Variants in LOC128092253 observed in about 807,000 individuals in gnomAD.
At chr6:133,976,979 A>G in the LOC128092253 span, among the ~76,000 whole-genome samples, 1 of 152,006 alleles carries the variant, frequency 6.6e-6, no homozygotes, top group Admixed American at 6.6e-5. Flanking sequence ...AAAAAAAAAA[A>G]AAAGAAAAAA....
chr6:133,957,077 T>A, the LOC128092253 span, among the ~76,000 whole-genome samples: 2 of 152,088 alleles, frequency 1.3e-5, no homozygotes, highest in Non-Finnish European at 2.9e-5. Context: ...AAATTCTACT[T>A]GTCTGTGACT....
chr6:133,974,137 A>G, the LOC128092253 span, among the ~76,000 whole-genome samples: 1 of 151,990 alleles, frequency 6.6e-6, no homozygotes, highest in Admixed American at 6.6e-5. Context: ...TAGACATATA[A>G]TTTTTTCTAC....
chr6:133,980,058 A>T, the LOC128092253 span: 65 of 1,376,476 alleles, frequency 4.7e-5, 1 homozygote, highest in African/African-American at 8.5e-4. Flanking sequence ...AAGTTTAATG[A>T]CTTTATTTTG....
At chr6:133,970,973 A>G in the LOC128092253 span, among the ~76,000 whole-genome samples, 1 of 152,096 alleles carries the variant, frequency 6.6e-6, no homozygotes, top group Non-Finnish European at 1.5e-5. Flanking sequence ...TCTTCTAGCT[A>G]TTTTATGATA....
At chr6:133,968,655 T>G in the LOC128092253 span, among the ~76,000 whole-genome samples, 317 of 152,232 alleles carry the variant, frequency 2.1e-3, no homozygotes, top group African/African-American at 6.4e-3. Flanking sequence ...GTCTACTGTC[T>G]TAGCATCCAA....
chr6:133,975,777 T>C, the LOC128092253 span, among the ~76,000 whole-genome samples: 1 of 152,206 alleles, frequency 6.6e-6, no homozygotes, highest in East Asian at 1.9e-4. Context: ...GTAGAGGCTT[T>C]CTCTGGAGGG....
chr6:133,962,944 G>T, the LOC128092253 span, among the ~76,000 whole-genome samples: 2 of 152,178 alleles, frequency 1.3e-5, no homozygotes, highest in African/African-American at 2.4e-5. Context: ...ATTCAAGAAA[G>T]CTTCTTCAGA....
the LOC128092253 span, among the ~76,000 whole-genome samples, chr6:133,961,929 A>C: frequency 6.6e-6 from 1 of 152,204 alleles, no homozygotes; most frequent in African/African-American, 2.4e-5. Flanking sequence ...TACAACTGCC[A>C]TGAGAGTTGC....
the LOC128092253 span, among the ~76,000 whole-genome samples, chr6:133,978,665 A>G: frequency 6.6e-6 from 1 of 152,216 alleles, no homozygotes; most frequent in African/African-American, 2.4e-5. Context: ...GTGAAAAAAT[A>G]TAATGAAGTT....
the LOC128092253 span, among the ~76,000 whole-genome samples, chr6:133,968,137 T>TGCCACCAGC: frequency 6.6e-6 from 1 of 151,774 alleles, no homozygotes; most frequent in Non-Finnish European, 1.5e-5. Context: ...TACAGGCGCG[T>TGCCACCAGC]GCCACCACGC....
chr6:133,977,927 C>G, the LOC128092253 span, among the ~76,000 whole-genome samples: 3 of 152,320 alleles, frequency 2.0e-5, no homozygotes, highest in East Asian at 5.8e-4. Flanking sequence ...CCCTTGCTGG[C>G]TTAGTTGGTT....
At chr6:133,960,214 A>G in the LOC128092253 span, among the ~76,000 whole-genome samples, 2 of 152,198 alleles carry the variant, frequency 1.3e-5, no homozygotes, top group East Asian at 3.8e-4. Context: ...ACCATATTGA[A>G]GGCACAATGA....
chr6:133,972,703 TG>T, the LOC128092253 span, among the ~76,000 whole-genome samples: 5 of 151,960 alleles, frequency 3.3e-5, no homozygotes, highest in African/African-American at 9.7e-5. Flanking sequence ...TTTGTTTGTT[TG>T]TTTTTTTCCC....
At chr6:133,966,761 C>G in the LOC128092253 span, among the ~76,000 whole-genome samples, 1 of 152,246 alleles carries the variant, frequency 6.6e-6, no homozygotes, top group East Asian at 1.9e-4. Context: ...TCAGAAAATT[C>G]TGTTCACTCT....
At chr6:133,970,425 G>GTGTT in the LOC128092253 span, among the ~76,000 whole-genome samples, 2 of 152,220 alleles carry the variant, frequency 1.3e-5, no homozygotes, top group South Asian at 4.1e-4. Context: ...ATGTGTATAT[G>GTGTT]TGTTTGTTTA....
the LOC128092253 span, among the ~76,000 whole-genome samples, chr6:133,955,882 A>C: frequency 6.6e-6 from 1 of 152,254 alleles, no homozygotes; most frequent in African/African-American, 2.4e-5. Context: ...AGTTATTCTT[A>C]ACATAGAAAA....
the LOC128092253 span, among the ~76,000 whole-genome samples, chr6:133,961,673 T>G: frequency 1.3e-5 from 2 of 151,990 alleles, no homozygotes; most frequent in African/African-American, 4.8e-5. Flanking sequence ...ACCATGTTAA[T>G]CGGGCTGGTC....
chr6:133,969,377 T>C, the LOC128092253 span, among the ~76,000 whole-genome samples: 6 of 152,164 alleles, frequency 3.9e-5, no homozygotes, highest in East Asian at 1.2e-3. Context: ...TAATTCACTT[T>C]GATACAAAAT....
At chr6:133,970,782 G>T in the LOC128092253 span, among the ~76,000 whole-genome samples, 1 of 151,966 alleles carries the variant, frequency 6.6e-6, no homozygotes, top group African/African-American at 2.4e-5. Flanking sequence ...AAAATTTGTT[G>T]TAGAAATTGA....
Sources: allele counts gnomAD v4.1 joint callset (sites outside exome capture counted in the v4.1 genomes callset), GRCh38; gene constraint gnomAD v4.1.1; transcripts MANE v1.5.